The following EHBP1 variants were observed in gnomAD, a reference collection of about 807,000 sequenced individuals.
EHBP1 encodes EH domain binding protein 1.
A neutral mutation model predicts 144.0 loss-of-function variants in EHBP1; 55 were observed. The ratio of observed to expected loss-of-function variants is 0.38; its 90% CI spans 0.31 to 0.48. EHBP1 has a LOEUF of 0.48. EHBP1 is among the 20% of genes least tolerant of loss of function. EHBP1 has a pLI of 0.98. For missense variants in EHBP1, 1,200 were observed against 1,364.2 expected, an observed-to-expected ratio of 0.88 and a Z score of 1.90; for synonymous variants, 469 against 472.7, an observed-to-expected ratio of 0.99 and a Z score of 0.10.
At chr2:62,691,094 A>G (rs2033889369) in intron 1 of EHBP1, among the ~76,000 whole-genome samples, 1 of 152,246 alleles carries the variant, frequency 6.6e-6, no homozygotes, top group Non-Finnish European at 1.5e-5. Flanking sequence ...CCTCCAAGCC[A>G]ATTAAAAATG....
At chr2:62,759,001 G>A (rs1037197636) in intron 3 of EHBP1, among the ~76,000 whole-genome samples, 9 of 152,288 alleles carry the variant, frequency 5.9e-5, no homozygotes, top group African/African-American at 2.2e-4. Context: ...ACGAATGATT[G>A]CTAACTCTGT....
At chr2:62,735,811 G>GT (rs938826648) in intron 2 of EHBP1, among the ~76,000 whole-genome samples, 9 of 151,670 alleles carry the variant, frequency 5.9e-5, no homozygotes, top group Non-Finnish European at 1.3e-4. Flanking sequence ...AGGTTGGTGG[G>GT]TTTTTTTTCT....
At chr2:62,868,557 G>T (rs182980765) in intron 9 of EHBP1, among the ~76,000 whole-genome samples, 138 of 152,248 alleles carry the variant, frequency 9.1e-4, no homozygotes, top group Non-Finnish European at 1.6e-3. Flanking sequence ...TTACAAAAAT[G>T]AAAAAGCAAG....
At chr2:62,855,563 G>A (rs1160651020) in intron 7 of EHBP1, among the ~76,000 whole-genome samples, 2 of 152,164 alleles carry the variant, frequency 1.3e-5, no homozygotes, top group African/African-American at 2.4e-5. Context: ...GGAGGTTGTG[G>A]TGCTTTTTCC....
intron 1 of EHBP1, among the ~76,000 whole-genome samples, chr2:62,684,150 C>T (rs994347152): frequency 3.3e-5 from 5 of 152,180 alleles, no homozygotes; most frequent in African/African-American, 1.2e-4. Context: ...TATGCAAGTG[C>T]CAGTGACCTT....
At chr2:62,888,385 T>C (rs150485600) in intron 10 of EHBP1, among the ~76,000 whole-genome samples, 2 of 152,356 alleles carry the variant, frequency 1.3e-5, no homozygotes, top group African/African-American at 4.8e-5. Context: ...AATGCTAAAT[T>C]TTTCTTTTTA....
intron 10 of EHBP1, among the ~76,000 whole-genome samples, chr2:62,879,687 C>CA (rs2051227559): frequency 6.6e-6 from 1 of 151,524 alleles, no homozygotes; most frequent in Admixed American, 6.6e-5. Flanking sequence ...AATTACAAAA[C>CA]ACTGTTGAAA....
chr2:62,870,564 A>G (rs994590880), intron 9 of EHBP1, among the ~76,000 whole-genome samples: 2 of 151,708 alleles, frequency 1.3e-5, no homozygotes, highest in African/African-American at 4.8e-5. Context: ...TAAAAATACA[A>G]AATTAGCTGG....
intron 2 of EHBP1, among the ~76,000 whole-genome samples, chr2:62,742,841 G>A (rs146413843): frequency 3.2e-4 from 49 of 152,106 alleles, no homozygotes; most frequent in African/African-American, 1.2e-3. Flanking sequence ...ATTTAATTCT[G>A]TCTGTTCATA....
chr2:62,678,645 G>A (rs1261252215), intron 1 of EHBP1, among the ~76,000 whole-genome samples: 3 of 151,796 alleles, frequency 2.0e-5, no homozygotes, highest in Admixed American at 2.0e-4. Context: ...TCAGGATCTG[G>A]TCTTTATTAT....
At chr2:62,709,195 G>A (rs1044080645) in intron 2 of EHBP1, among the ~76,000 whole-genome samples, 1 of 152,084 alleles carries the variant, frequency 6.6e-6, no homozygotes, top group African/African-American at 2.4e-5. Flanking sequence ...GGAATGGAGA[G>A]AATTAACTGG....
chr2:62,840,321 C>T (rs1402839291), intron 7 of EHBP1, among the ~76,000 whole-genome samples: 1 of 136,326 alleles, frequency 7.3e-6, no homozygotes, highest in Non-Finnish European at 1.6e-5. Flanking sequence ...TTCCTTACAC[C>T]TTATACAAAA....
intron 10 of EHBP1, among the ~76,000 whole-genome samples, chr2:62,890,276 A>G (rs547751996): frequency 1.3e-5 from 2 of 152,248 alleles, no homozygotes; most frequent in African/African-American, 4.8e-5. Flanking sequence ...TTCTGTGAAG[A>G]ATGTCATTGG....
intron 8 of EHBP1, among the ~76,000 whole-genome samples, chr2:62,860,277 G>A (rs530987365): frequency 6.6e-6 from 1 of 152,242 alleles, no homozygotes; most frequent in East Asian, 1.9e-4. Flanking sequence ...ATCACCTGAG[G>A]TCACAAGTTT....
chr2:62,742,251 A>G (rs993070317), intron 2 of EHBP1, among the ~76,000 whole-genome samples: 1 of 152,138 alleles, frequency 6.6e-6, no homozygotes, highest in African/African-American at 2.4e-5. Context: ...GTGACTGTAT[A>G]CAAGAGGATG....
intron 4 of EHBP1, among the ~76,000 whole-genome samples, chr2:62,766,769 T>C (rs1261596946): frequency 6.6e-6 from 1 of 152,106 alleles, no homozygotes; most frequent in African/African-American, 2.4e-5. Flanking sequence ...AAGTAGTATG[T>C]CATTTTCTAA....
At chr2:62,908,651 T>A (rs1199168462) in intron 10 of EHBP1, among the ~76,000 whole-genome samples, 1 of 152,214 alleles carries the variant, frequency 6.6e-6, no homozygotes, top group Non-Finnish European at 1.5e-5. Context: ...TAATTTTTTT[T>A]ATTTGTTTTG....
At chr2:63,039,460 TCTC>T (rs2061574056) in intron 21 of EHBP1, among the ~76,000 whole-genome samples, 1 of 152,190 alleles carries the variant, frequency 6.6e-6, no homozygotes, top group Non-Finnish European at 1.5e-5. Context: ...ATAATGCTGT[TCTC>T]CTTATATCTC....
intron 8 of EHBP1, among the ~76,000 whole-genome samples, chr2:62,861,694 A>G (rs1347456890): frequency 6.6e-6 from 1 of 151,594 alleles, no homozygotes; most frequent in Non-Finnish European, 1.5e-5. Context: ...GTGAGCCAAG[A>G]TCGTGCCACT....
Sources: gnomAD v4.1 joint callset for allele counts (sites outside exome capture counted in the v4.1 genomes callset) on GRCh38, gnomAD v4.1.1 for gene constraint, MANE v1.5 for transcripts, NCBI Gene and HGNC (gene_info 2026-07-23, HGNC 2026-07-21) for gene names.